The following DNER variants were observed in gnomAD, a reference collection of about 807,000 sequenced individuals.
The protein encoded by DNER is delta and Notch-like epidermal growth factor-related receptor.
In DNER, 33 loss-of-function variants were observed where a neutral mutation model predicts 78.2. The observed-to-expected ratio is 0.42, with a 90% CI of 0.32 to 0.56. The LOEUF is 0.56. Among genes scored for constraint, DNER ranks in the 20% least tolerant of loss-of-function variants. The pLI, the probability that DNER is intolerant of heterozygous loss-of-function variation, is 0.11. For missense variants in DNER, 918 were observed against 975.3 expected, an observed-to-expected ratio of 0.94 and a Z score of 0.78; for synonymous variants, 417 against 384.8, an observed-to-expected ratio of 1.08 and a Z score of -0.98.
At chr2:229,623,758 T>C (rs937047816) in intron 1 of DNER, among the ~76,000 whole-genome samples, 1 of 152,182 alleles carries the variant, frequency 6.6e-6, no homozygotes, top group South Asian at 2.1e-4. Flanking sequence ...GACCTATGGA[T>C]ATCTGGTCCC....
chr2:229,525,881 C>A (rs1248736957), intron 5 of DNER, among the ~76,000 whole-genome samples: 1 of 152,200 alleles, frequency 6.6e-6, no homozygotes, highest in Non-Finnish European at 1.5e-5. Flanking sequence ...TCCCAAAGTG[C>A]TGGGATTATT....
At chr2:229,410,910 T>G (rs1283561632) in intron 9 of DNER, among the ~76,000 whole-genome samples, 1 of 152,238 alleles carries the variant, frequency 6.6e-6, no homozygotes, top group Non-Finnish European at 1.5e-5. Flanking sequence ...CATCGTCTCA[T>G]TTCATCCAAA....
intron 8 of DNER, among the ~76,000 whole-genome samples, chr2:229,426,795 C>A (rs762916952): frequency 3.3e-4 from 50 of 152,200 alleles, no homozygotes; most frequent in Non-Finnish European, 6.5e-4. Flanking sequence ...TTAAACGAAC[C>A]TGCTGGTTTT....
At chr2:229,654,178 T>C (rs748116030) in intron 1 of DNER, among the ~76,000 whole-genome samples, 4 of 151,372 alleles carry the variant, frequency 2.6e-5, no homozygotes, top group Non-Finnish European at 4.4e-5. Context: ...AGTGTTCTCA[T>C]TGTTCAGTTC....
At chr2:229,362,298 A>C (rs1044616462) in intron 12 of DNER, among the ~76,000 whole-genome samples, 1 of 152,236 alleles carries the variant, frequency 6.6e-6, no homozygotes, top group African/African-American at 2.4e-5. Flanking sequence ...ACAGACACTT[A>C]GGAATAATTT....
chr2:229,664,127 A>G (rs1178252989), intron 1 of DNER, among the ~76,000 whole-genome samples: 4 of 152,168 alleles, frequency 2.6e-5, no homozygotes, highest in Non-Finnish European at 5.9e-5. Flanking sequence ...TTCACAAAAT[A>G]TTTGTATATT....
rs189777177 is a variant in DNER, at chr2:229,675,164, T to C, written c.276+38984A>G. ...TCTGAAGAACAAGGTATATGCCATA[T>C]GACAGAAGCCTCCAAAGACACCTTC... On this transcript the variant is annotated intron_variant, in intron 1 of 12. Coordinates refer to ENST00000341772, the MANE Select transcript of DNER (RefSeq NM_139072.4). 2.4e-3 allele frequency among the ~76,000 whole-genome samples: 368 copies of C among 152,320 alleles called. 7 individuals are homozygous for C. The highest frequency in any genetic ancestry group is 3.4e-3 in the Middle Eastern group (1 of 294).
intron 5 of DNER, among the ~76,000 whole-genome samples, chr2:229,517,109 C>CA (rs57947628): frequency 0.033 from 1,839 of 56,450 alleles, 29 homozygotes; most frequent in Middle Eastern, 0.091. Context: ...GACTCCGTCT[C>CA]AAAAAAAAAA....
intron 7 of DNER, among the ~76,000 whole-genome samples, chr2:229,476,205 C>G (rs1359699134): frequency 6.6e-6 from 1 of 152,156 alleles, no homozygotes; most frequent in Non-Finnish European, 1.5e-5. Flanking sequence ...AAGACAAGAA[C>G]CTGCCCTTCT....
At chr2:229,404,422 GT>G (rs1559342581) in intron 10 of DNER, among the ~76,000 whole-genome samples, 2 of 151,854 alleles carry the variant, frequency 1.3e-5, no homozygotes, top group Non-Finnish European at 2.9e-5. Flanking sequence ...GATCTCATGA[GT>G]ACTCACTCAC....
chr2:229,455,435 C>T (rs571644797), intron 7 of DNER, among the ~76,000 whole-genome samples: 15 of 152,060 alleles, frequency 9.9e-5, no homozygotes, highest in Admixed American at 3.9e-4. Context: ...TCAAGTTGCC[C>T]GTATAATCAG....
chr2:229,447,184 C>T lies in DNER; in HGVS notation c.1486+132G>A, dbSNP rs572536681. 56 of 874,684 alleles carry T rather than the reference C, an allele frequency of 6.4e-5. No individual in the cohort carries two copies. In the African/African-American group the frequency reaches 9.3e-4, roughly 15 times the overall value. 54.2% of individuals were successfully genotyped at this position (874,684 alleles called of 1,614,324 possible). On this transcript the variant is annotated intron_variant, in intron 8 of 12. Transcript: ENST00000341772. ...ACAAGTATATCAGTAAGTATACTTA[C>T]TTACAAGCATACCAGTAAGTATACC... is the stretch of plus-strand genomic sequence containing the variant.
chr2:229,440,584 A>G (rs1694211566), intron 8 of DNER, among the ~76,000 whole-genome samples: 1 of 152,074 alleles, frequency 6.6e-6, no homozygotes, highest in Admixed American at 6.5e-5. Flanking sequence ...GGCTTCCATG[A>G]CTTTCTCTAG....
At chr2:229,393,982 A>C (rs1693075559) in intron 10 of DNER, among the ~76,000 whole-genome samples, 1 of 152,224 alleles carries the variant, frequency 6.6e-6, no homozygotes, top group Admixed American at 6.5e-5. Flanking sequence ...ATATTTAATA[A>C]ATTAATGGCT....
At chr2:229,713,397 C>A (rs778670531) in intron 1 of DNER, among the ~76,000 whole-genome samples, 1 of 152,264 alleles carries the variant, frequency 6.6e-6, no homozygotes, top group East Asian at 1.9e-4. Context: ...ACCGCCCCCA[C>A]GCTTTCTGGC....
intron 8 of DNER, among the ~76,000 whole-genome samples, chr2:229,434,411 G>C (rs1001867560): frequency 1.3e-5 from 2 of 152,214 alleles, no homozygotes; most frequent in African/African-American, 4.8e-5. Flanking sequence ...ATGCCCAAGG[G>C]CTGAAGCTGA....
rs577651987 is a variant in DNER at position 229,676,879 on chromosome 2, T to C, written c.276+37269A>G. Among the ~76,000 whole-genome samples the C allele has an allele frequency of 2.6e-5, 4 of 152,326 alleles. No homozygotes were observed. The South Asian group carries it at 6.2e-4, about 24-fold the overall frequency. ...TTTGGATACCATGCTCACAGTAATA[T>C]ACAGCCTGCAGATACATCTGTTCTT... On this transcript the variant is annotated intron_variant, in intron 1 of 12. Coordinates refer to ENST00000341772, the MANE Select transcript of DNER (RefSeq NM_139072.4).
chr2:229,706,494 T>C lies in DNER; in HGVS notation c.276+7654A>G, dbSNP rs116656901. 9.9e-3 allele frequency among the ~76,000 whole-genome samples: 1,440 copies of C among 146,030 alleles called. 25 individuals are homozygous for C. Among genetic ancestry groups the C allele is most frequent in the African/African-American group, 0.035 (1,370 of 39,506 alleles). On this transcript the variant is annotated intron_variant, in intron 1 of 12. Transcript: ENST00000341772. ...ACAAGAATCGCTTGAATATGAGAGG[T>C]GGAGGCAGCAGTGAGCCGAGATCAC...
Position 229,609,508 on chromosome 2 carries a change from A to G in DNER, c.277-17620T>C, listed in dbSNP as rs11885446. 7.4e-3 allele frequency among the ~76,000 whole-genome samples: 1,128 copies of G among 152,354 alleles called. 17 individuals carry two copies. Among genetic ancestry groups the G allele is most frequent in the African/African-American group, 0.025 (1,059 of 41,580 alleles). On this transcript the variant is annotated intron_variant, in intron 1 of 12. Transcript: ENST00000341772. The stretch of plus-strand genomic sequence containing the variant: ...AAACACAACCACACTCATTCGTTTT[A>G]CATATTATCTGGCTGCCTTCACATG...
Sources: gnomAD v4.1 joint callset for allele counts (sites outside exome capture counted in the v4.1 genomes callset) on GRCh38, gnomAD v4.1.1 for gene constraint, MANE v1.5 for transcripts, NCBI Gene and HGNC (gene_info 2026-07-23, HGNC 2026-07-21) for gene names.